DENND1A: variants seen among roughly 807,000 people sequenced by gnomAD.
DENND1A encodes the protein DENN domain-containing protein 1A.
Under a neutral mutation model 113.7 loss-of-function variants are expected in DENND1A, and 51 were observed. The observed-to-expected ratio is 0.45, with a 90% confidence interval of 0.36 to 0.57. The LOEUF (loss-of-function observed/expected upper bound fraction) is 0.57, where lower values mean the gene tolerates loss of function less well. DENND1A is among the 20% of genes least tolerant of loss of function. DENND1A has a pLI of 0.00. For synonymous variants in DENND1A, 565 were observed against 570.8 expected (o/e 0.99, Z 0.14); for missense variants, 1,258 against 1,395.9 (o/e 0.90, Z 1.57).
At chr9:123,833,561 G>A (rs1051167879) in intron 2 of DENND1A, among the ~76,000 whole-genome samples, 1 of 151,898 alleles carries the variant, frequency 6.6e-6, no homozygotes, top group African/African-American at 2.4e-5. Context: ...TTCAGAAATG[G>A]TTAGTAAAAA....
chr9:123,921,178 G>A (rs1196440431), intron 1 of DENND1A, among the ~76,000 whole-genome samples: 1 of 152,168 alleles, frequency 6.6e-6, no homozygotes, highest in Non-Finnish European at 1.5e-5. Flanking sequence ...TCAGACAACT[G>A]TGTTTTCTCC....
Position 123,549,267 on chromosome 9 carries a change from C to T in DENND1A, c.993+8303G>A, listed in dbSNP as rs744462. 5.6e-3 allele frequency among the ~76,000 whole-genome samples: 857 copies of T among 152,180 alleles called. 10 individuals are homozygous for T. Among genetic ancestry groups the T allele is most frequent in the African/African-American group, 0.02 (813 of 41,504 alleles). On this transcript the variant is annotated intron_variant, in intron 13 of 23. Coordinates refer to ENST00000394215, the MANE Select transcript of DENND1A (RefSeq NM_001352964.2). ...CTCTTTCTCCCGGTTTCCTTGCTTC[C>T]TTATCTCTCATCTTGCTGTACTGTA...
chr9:123,387,977 G>C, intron 21 of DENND1A, 119 bp from the exon 22 acceptor site: 1 of 1,066,550 alleles, frequency 9.4e-7, no homozygotes, highest in African/African-American at 1.7e-5. Flanking sequence ...CTGTGTGCCA[G>C]CCTGGGGTGG....
chr9:123,465,860 T>C (rs910947135), intron 13 of DENND1A, among the ~76,000 whole-genome samples: 5 of 152,248 alleles, frequency 3.3e-5, no homozygotes, highest in African/African-American at 1.2e-4. Context: ...CTTGGCCTTG[T>C]GCAATGCCAG....
At chr9:123,904,204 A>G (rs1304906264) in intron 1 of DENND1A, among the ~76,000 whole-genome samples, 1 of 152,222 alleles carries the variant, frequency 6.6e-6, no homozygotes, top group African/African-American at 2.4e-5. Context: ...CATCCACACC[A>G]AAAACCCATC....
At chr9:123,755,687 G>A (rs1423060294) in intron 5 of DENND1A, among the ~76,000 whole-genome samples, 1 of 152,182 alleles carries the variant, frequency 6.6e-6, no homozygotes, top group Non-Finnish European at 1.5e-5. Context: ...TGAAGATGCT[G>A]AGGATGAAGG....
At chr9:123,729,805 A>G (rs1188951447) in intron 5 of DENND1A, among the ~76,000 whole-genome samples, 2 of 152,220 alleles carry the variant, frequency 1.3e-5, no homozygotes, top group Non-Finnish European at 2.9e-5. Flanking sequence ...AGCCAAGACA[A>G]TCCTAAGCAA....
chr9:123,642,137 A>C (rs1467313289), intron 9 of DENND1A, among the ~76,000 whole-genome samples: 1 of 152,238 alleles, frequency 6.6e-6, no homozygotes, highest in Non-Finnish European at 1.5e-5. Flanking sequence ...ATGGTATCTC[A>C]AGGTTCTTCA....
At position 123,432,084 on chromosome 9, in the gene DENND1A, C is replaced by T. The variant is rs117557364; in HGVS notation, c.1488+8276G>A. ...CTGGCCTCACCGTGGAGCTCTCTGG[C>T]CTTCTCCAGCTCTCTATAACGAGAG... On this transcript the variant is annotated intron_variant, in intron 19 of 23. Transcript: ENST00000394215. 4.5e-3 allele frequency among the ~76,000 whole-genome samples: 679 copies of T among 152,340 alleles called. 1 individual carries two copies. The highest frequency in any genetic ancestry group is 6.0e-3 in the Non-Finnish European group (409 of 68,038).
intron 13 of DENND1A, among the ~76,000 whole-genome samples, chr9:123,535,204 A>C (rs2055649518): frequency 6.6e-6 from 1 of 152,136 alleles, no homozygotes; most frequent in Non-Finnish European, 1.5e-5. Context: ...CAGCCAAAAT[A>C]AGTGTCGTAA....
intron 20 of DENND1A, among the ~76,000 whole-genome samples, chr9:123,408,251 G>C (rs4838059): frequency 0.14 from 21,194 of 152,166 alleles, 1,535 homozygotes; most frequent in Middle Eastern, 0.2. Flanking sequence ...GGTTCCATAT[G>C]CCGAGTCTCC....
At chr9:123,425,977 G>A (rs2045694469) in intron 19 of DENND1A, among the ~76,000 whole-genome samples, 1 of 152,234 alleles carries the variant, frequency 6.6e-6, no homozygotes, top group Admixed American at 6.5e-5. Context: ...AAATAAATAC[G>A]AGGCGCTAGG....
intron 1 of DENND1A, among the ~76,000 whole-genome samples, chr9:123,893,203 A>G (rs1850200049): frequency 6.6e-6 from 1 of 152,188 alleles, no homozygotes; most frequent in Non-Finnish European, 1.5e-5. Flanking sequence ...CCAATGAAGA[A>G]ACTAACGAAC....
At chr9:123,805,559 G>A (rs545972501) in intron 2 of DENND1A, among the ~76,000 whole-genome samples, 3 of 151,418 alleles carry the variant, frequency 2.0e-5, no homozygotes, top group East Asian at 1.9e-4. Flanking sequence ...TTAGCCTCCC[G>A]AGTAGTTGGG....
chr9:123,459,238 C>T (rs2048359788), intron 13 of DENND1A, among the ~76,000 whole-genome samples: 1 of 152,198 alleles, frequency 6.6e-6, no homozygotes, highest in Non-Finnish European at 1.5e-5. Context: ...ATCAGCTGCT[C>T]TGGAGGACCT....
At chr9:123,719,125 G>A (rs1225347309) in intron 5 of DENND1A, among the ~76,000 whole-genome samples, 2 of 152,224 alleles carry the variant, frequency 1.3e-5, no homozygotes, top group African/African-American at 4.8e-5. Flanking sequence ...GGAACTGTGA[G>A]TCCATTAAAC....
chr9:123,855,719 G>A (rs1459442388), intron 2 of DENND1A, among the ~76,000 whole-genome samples: 1 of 152,162 alleles, frequency 6.6e-6, no homozygotes, highest in Non-Finnish European at 1.5e-5. Flanking sequence ...AAAGGGGTTG[G>A]AAGGGATAAG....
intron 8 of DENND1A, among the ~76,000 whole-genome samples, chr9:123,653,853 A>C (rs2062792688): frequency 6.6e-6 from 1 of 151,822 alleles, no homozygotes; most frequent in Non-Finnish European, 1.5e-5. Flanking sequence ...AATCTTCCCA[A>C]CAAGCTTGAG....
At chr9:123,852,019 C>G (rs1347361827) in intron 2 of DENND1A, among the ~76,000 whole-genome samples, 1 of 152,168 alleles carries the variant, frequency 6.6e-6, no homozygotes, top group Non-Finnish European at 1.5e-5. Context: ...ATTTGCCCAG[C>G]GTATTTGGGG....
Sources: allele counts gnomAD v4.1 joint callset (sites outside exome capture counted in the v4.1 genomes callset), GRCh38; gene constraint gnomAD v4.1.1; transcripts MANE v1.5; gene names NCBI Gene and HGNC (gene_info 2026-07-23, HGNC 2026-07-21).